TAC3: variants seen among roughly 807,000 people sequenced by gnomAD.
The protein encoded by TAC3 is tachykinin-3.
A neutral mutation model predicts 16.5 loss-of-function variants in TAC3; 9 were observed. The observed-to-expected ratio is 0.55, with a 90% CI of 0.33 to 0.95. TAC3 has a LOEUF of 0.95. Ranked by LOEUF, TAC3 falls within the 40% of genes least tolerant of loss-of-function variation. The pLI is 0.03. For synonymous variants in TAC3, 52 were observed against 56.7 expected (o/e 0.92, Z 0.37); for missense variants, 129 against 149.1 (o/e 0.87, Z 0.70).
At chr12:57,015,890 C>G in intron 1 of TAC3, 88 bp from the exon 2 acceptor site, 5 of 1,186,944 alleles carry the variant, frequency 4.2e-6, no homozygotes, top group Non-Finnish European at 4.9e-6. Context: ...TCATTACCAG[C>G]AGCTTGGCTT....
intron 6 of TAC3, 93 bp downstream of exon 6, chr12:57,012,285 T>G: frequency 8.2e-7 from 1 of 1,214,178 alleles, no homozygotes; most frequent in South Asian, 1.3e-5. Flanking sequence ...TCTATGAGCT[T>G]TAATACCTGT....
chr12:57,014,776 A>T (rs538789626), intron 2 of TAC3, among the ~76,000 whole-genome samples: 72 of 151,932 alleles, frequency 4.7e-4, no homozygotes, highest in African/African-American at 1.7e-3. Flanking sequence ...TGCCCTGGTG[A>T]TAACTCCCTT....
chr12:57,011,196 C>T (rs1373000695), intron 6 of TAC3, among the ~76,000 whole-genome samples: 1 of 152,184 alleles, frequency 6.6e-6, no homozygotes, highest in Non-Finnish European at 1.5e-5. Flanking sequence ...GGGGGCCAGA[C>T]TCAGTCTCTG....
At chr12:57,013,540 T>C (rs1956331125) in intron 3 of TAC3, 38 bp downstream of exon 3, 7 of 1,603,172 alleles carry the variant, frequency 4.4e-6, no homozygotes, top group Non-Finnish European at 5.1e-6. Flanking sequence ...TTCAGAATCC[T>C]GCCCCTCATT....
chr12:57,013,504 T>A, intron 3 of TAC3, 74 bp downstream of exon 3: 2 of 1,593,476 alleles, frequency 1.3e-6, no homozygotes, highest in Non-Finnish European at 1.7e-6. Context: ...CTCTCCCATC[T>A]GAAAGGATCT....
intron 2 of TAC3, among the ~76,000 whole-genome samples, chr12:57,015,341 C>T (rs1956357557): frequency 1.3e-5 from 2 of 152,164 alleles, no homozygotes; most frequent in African/African-American, 4.8e-5. Context: ...CTGTCCCTTG[C>T]AAAGGGACCT....
At chr12:57,015,549 CAAAG>C (rs1956359744) in intron 2 of TAC3, 131 bp downstream of exon 2, 1 of 741,326 alleles carries the variant, frequency 1.3e-6, no homozygotes, top group Non-Finnish European at 2.4e-6. Context: ...ACCAGAGAAA[CAAAG>C]AAATCCAAAG....
Position 57,015,727 on chromosome 12 carries a change from T to G in TAC3, c.71A>C (p.Lys24Thr). The change falls in exon 2 of 7, where the codon AAG (lysine) becomes ACG (threonine). Residue 24 changes from lysine (K) to threonine (T), a missense_variant. Physicochemically the swap from Lys to Thr is moderately conservative, Grantham distance 78 (BLOSUM62 -1). Transcript: ENST00000458521. ...SLAQSFGAVC[K>T]EPQEEVVPGG... ...AGGAACCACCTCCTCCTGTGGCTCC[T>G]TACAGACAGCCCCAAAGCTCTGAGC... The G allele has an allele frequency of 6.2e-7, 1 of 1,614,148 alleles. No individual in the cohort carries two copies.
chr12:57,011,509 C>T (rs945857772), intron 6 of TAC3, among the ~76,000 whole-genome samples: 7 of 152,192 alleles, frequency 4.6e-5, no homozygotes, highest in Non-Finnish European at 8.8e-5. Flanking sequence ...CTTACACTCG[C>T]ATACCAAGTG....
At chr12:57,014,314 T>A (rs1956343982) in intron 2 of TAC3, among the ~76,000 whole-genome samples, 1 of 150,952 alleles carries the variant, frequency 6.6e-6, no homozygotes, top group Admixed American at 6.6e-5. Flanking sequence ...AGAGAGACAA[T>A]AACAATGATC....
chr12:57,013,762 A>G, intron 2 of TAC3, 91 bp from the exon 3 acceptor site: 1 of 1,058,408 alleles, frequency 9.4e-7, no homozygotes, highest in Admixed American at 2.0e-5. Flanking sequence ...TCCTGAGCCC[A>G]TCCTGAATCC....
intron 4 of TAC3, 185 bp downstream of exon 4, chr12:57,013,174 C>T (rs1036058230): frequency 7.5e-6 from 6 of 799,886 alleles, no homozygotes; most frequent in Non-Finnish European, 1.3e-5. Flanking sequence ...CACCATGCCC[C>T]TCACACCAGC....
At chr12:57,012,115 C>G (rs1021821622) in intron 6 of TAC3, 2 of 508,404 alleles carry the variant, frequency 3.9e-6, no homozygotes, top group African/African-American at 3.8e-5. Context: ...CCCCTCTCTC[C>G]TCATCTCCCA....
chr12:57,013,723 T>A, intron 2 of TAC3, 52 bp from the exon 3 acceptor site: 8 of 1,431,576 alleles, frequency 5.6e-6, no homozygotes, highest in African/African-American at 1.4e-5. Flanking sequence ...CCGGATCCAC[T>A]CATCCTTTTC....
chr12:57,013,342 G>C lies in TAC3; in HGVS notation c.238+17C>G, dbSNP rs1168370529. 2 of 1,613,964 alleles carry C rather than the reference G, an allele frequency of 1.2e-6. No individual in the cohort carries two copies. The highest frequency in any genetic ancestry group is 1.7e-6 in the Non-Finnish European group (2 of 1,179,862). ...GGGCAAGTGGCAAGAGATAGGGAGG[G>C]AGAAGAGGGTACTTACGTTTCTCGG... On this transcript the variant is annotated intron_variant, in intron 4 of 6. Transcript: ENST00000458521.
chr12:57,013,253 G>A, intron 4 of TAC3, 106 bp downstream of exon 4: 1 of 1,387,994 alleles, frequency 7.2e-7, no homozygotes, highest in South Asian at 1.2e-5. Flanking sequence ...CTGGCATATT[G>A]TTTGTACCAG....
Position 57,016,483 on chromosome 12 carries a change from GT to G in TAC3, c.-103del, listed in dbSNP as rs1002164051. 8 of 454,414 alleles carry G rather than the reference GT, an allele frequency of 1.8e-5. No homozygotes were observed. In the Admixed American group the frequency reaches 1.9e-4, roughly 11 times the overall value. 28.1% of individuals were successfully genotyped at this position (454,414 alleles called of 1,614,324 possible). A position where few individuals can be genotyped will look rare whatever the true frequency, so the allele number is the denominator to read the frequency against. On this transcript the variant is annotated 5_prime_UTR_variant, in exon 1 of 7. Transcript: ENST00000458521. ...CTCCCCTCACACACTGGTGCTGCCG[GT>G]GCTCCTGCAAAGAGAGAAACCGAGT... is the stretch of plus-strand genomic sequence containing the variant.
At chr12:57,013,423 T>C in intron 3 of TAC3, 35 bp from the exon 4 acceptor site, 1 of 1,613,478 alleles carries the variant, frequency 6.2e-7, no homozygotes, top group Middle Eastern at 1.7e-4. Flanking sequence ...AAATGGGGAG[T>C]GAAGTTGGAA....
At chr12:57,013,146 G>C in intron 4 of TAC3, 1 of 729,014 alleles carries the variant, frequency 1.4e-6, no homozygotes, top group Non-Finnish European at 2.3e-6. Flanking sequence ...CCAAGGACCA[G>C]CCAGCAGAGG....
Sources: gnomAD v4.1 joint callset for allele counts (sites outside exome capture counted in the v4.1 genomes callset) on GRCh38, gnomAD v4.1.1 for gene constraint, MANE v1.5 for transcripts, NCBI Gene and HGNC (gene_info 2026-07-23, HGNC 2026-07-21) for gene names.